Variants in SYBU observed in about 807,000 individuals in gnomAD.
SYBU encodes syntabulin.
SYBU carries 21 observed loss-of-function variants against 35.9 expected under a neutral mutation model. The ratio of observed to expected loss-of-function variants is 0.58; its 90% CI spans 0.41 to 0.84. The LOEUF (loss-of-function observed/expected upper bound fraction) is 0.84. Among genes scored for constraint, SYBU ranks in the 40% least tolerant of loss-of-function variants. SYBU has a pLI of 0.00. For missense variants in SYBU, 768 were observed against 848.2 expected (o/e 0.91, Z 1.17); for synonymous variants, 319 against 324.3 (o/e 0.98, Z 0.18).
chr8:109,611,970 A>T (rs1169708254), intron 3 of SYBU, among the ~76,000 whole-genome samples: 1 of 152,246 alleles, frequency 6.6e-6, no homozygotes, highest in Non-Finnish European at 1.5e-5. Flanking sequence ...ATTTTAAAAA[A>T]TTGTGTTTTA....
intron 3 of SYBU, among the ~76,000 whole-genome samples, chr8:109,614,656 G>A (rs1811538599): frequency 6.6e-6 from 1 of 152,228 alleles, no homozygotes; most frequent in South Asian, 2.1e-4. Flanking sequence ...TTATTGGACA[G>A]CTTTAATACT....
At chr8:109,644,370 A>G (rs970095499) in intron 1 of SYBU, 36 of 609,646 alleles carry the variant, frequency 5.9e-5, no homozygotes, top group South Asian at 5.7e-4. Flanking sequence ...ACTGAAAGCT[A>G]CACCCCACAG....
At chr8:109,650,260 T>A (rs1476140387) in intron 1 of SYBU, among the ~76,000 whole-genome samples, 1 of 152,224 alleles carries the variant, frequency 6.6e-6, no homozygotes, top group East Asian at 1.9e-4. Flanking sequence ...TTGAGTTACA[T>A]TAAAAACAAT....
chr8:109,627,567 A>C (rs575152751), intron 2 of SYBU, among the ~76,000 whole-genome samples: 1 of 152,218 alleles, frequency 6.6e-6, no homozygotes, highest in Non-Finnish European at 1.5e-5. Flanking sequence ...TAAAAATTTC[A>C]TGGGCACAGA....
intron 2 of SYBU, among the ~76,000 whole-genome samples, chr8:109,639,767 C>T (rs532383553): frequency 1.3e-5 from 2 of 152,164 alleles, no homozygotes; most frequent in African/African-American, 4.8e-5. Flanking sequence ...TGGATTAAAA[C>T]GAGCGATTTC....
intron 3 of SYBU, among the ~76,000 whole-genome samples, chr8:109,609,128 C>T (rs1472659391): frequency 6.6e-6 from 1 of 152,180 alleles, no homozygotes; most frequent in African/African-American, 2.4e-5. Context: ...GGTGAAGAAC[C>T]CCTCCTCCTG....
At chr8:109,595,432 C>T (rs944410297) in intron 3 of SYBU, among the ~76,000 whole-genome samples, 5 of 152,156 alleles carry the variant, frequency 3.3e-5, no homozygotes, top group Non-Finnish European at 7.3e-5. Flanking sequence ...CTGTGGCTCA[C>T]GAATAACACA....
At chr8:109,641,987 A>G (rs1454614517) in intron 2 of SYBU, among the ~76,000 whole-genome samples, 1 of 152,254 alleles carries the variant, frequency 6.6e-6, no homozygotes, top group Non-Finnish European at 1.5e-5. Flanking sequence ...TCATTCCACT[A>G]TAAAGACACA....
chr8:109,578,809 G>T (rs1002489941), intron 5 of SYBU, among the ~76,000 whole-genome samples: 1 of 152,216 alleles, frequency 6.6e-6, no homozygotes, highest in Admixed American at 6.5e-5. Flanking sequence ...ACTGCCTAAA[G>T]ATCCTGATGG....
chr8:109,641,879 T>C (rs1814920027), intron 2 of SYBU, among the ~76,000 whole-genome samples: 2 of 152,216 alleles, frequency 1.3e-5, no homozygotes, highest in South Asian at 4.1e-4. Context: ...GTTCAACCAT[T>C]GTGGAAGACA....
At chr8:109,589,922 C>T (rs1365002468) in intron 3 of SYBU, among the ~76,000 whole-genome samples, 2 of 152,046 alleles carry the variant, frequency 1.3e-5, no homozygotes, top group African/African-American at 4.8e-5. Flanking sequence ...TTTAAGTAAC[C>T]CCAAGCCCTC....
At chr8:109,650,145 A>G (rs1816062002) in intron 1 of SYBU, among the ~76,000 whole-genome samples, 1 of 152,188 alleles carries the variant, frequency 6.6e-6, no homozygotes, top group Admixed American at 6.5e-5. Context: ...CACAGAGCAG[A>G]TACACAGGCT....
intron 1 of SYBU, among the ~76,000 whole-genome samples, chr8:109,660,799 T>C (rs1461001350): frequency 1.3e-5 from 2 of 152,212 alleles, no homozygotes; most frequent in Non-Finnish European, 2.9e-5. Context: ...GGTACCTTTT[T>C]TTACTTATGA....
chr8:109,656,495 A>G (rs1033405252), intron 1 of SYBU, among the ~76,000 whole-genome samples: 1 of 152,216 alleles, frequency 6.6e-6, no homozygotes, highest in African/African-American at 2.4e-5. Flanking sequence ...TGTAATGTGT[A>G]TCTGAAAATA....
Position 109,575,651 on chromosome 8 carries a change from A to T in SYBU, c.1247T>A (p.Leu416Gln). 1.2e-6 allele frequency: 2 copies of T among 1,613,996 alleles called. No homozygotes were observed. The change falls in exon 7 of 7, where the codon CTG (leucine) becomes CAG (glutamine). Residue 416 changes from leucine to glutamine, a missense_variant. Physicochemically the swap from Leu to Gln is moderately radical, Grantham distance 113. Coordinates refer to ENST00000276646, the MANE Select transcript of SYBU (RefSeq NM_001099754.2). ...PLDTMADGLS[L>Q]EEQVTGEGAD... ...CCCTTCCCCCGTGACCTGCTCTTCC[A>T]GAGATAACCCATCTGCCATTGTGTC...
upstream of SYBU, chr8:109,645,159 T>G (rs1815512418): frequency 2.2e-6 from 1 of 458,018 alleles, no homozygotes. Flanking sequence ...TGAGAAAAGC[T>G]GCGACATCAC....
intron 2 of SYBU, among the ~76,000 whole-genome samples, chr8:109,636,351 GAC>G (rs2130578433): frequency 6.6e-6 from 1 of 152,300 alleles, no homozygotes; most frequent in South Asian, 2.1e-4. Context: ...AAGGGACTGG[GAC>G]ACAGGTGAGT....
Position 109,575,189 on chromosome 8 carries a change from G to A in SYBU, c.1709C>T (p.Ala570Val), listed in dbSNP as rs1186047859. The A allele has an allele frequency of 5.0e-6, 8 of 1,614,100 alleles. No homozygotes were observed. Among genetic ancestry groups the A allele is most frequent in the South Asian group, 1.1e-5 (1 of 91,090 alleles). ...PYANVDAEVHANRLMRELDFA... is the reference protein window; with the variant it reads ...PYANVDAEVHVNRLMRELDFA... ...ATCCAGCTCTCTCATGAGGCGGTTT[G>A]CATGAACTTCTGCATCCACATTGGC... Residue 570 changes from alanine (A) to valine (V), a missense_variant, in exon 7 of 7, where the codon GCA becomes GTA. Physicochemically the swap from Ala to Val is moderately conservative, Grantham distance 64 (BLOSUM62 0). Transcript: ENST00000276646.
chr8:109,653,070 G>C (rs188833149), intron 1 of SYBU, among the ~76,000 whole-genome samples: 1 of 152,242 alleles, frequency 6.6e-6, no homozygotes, highest in East Asian at 1.9e-4. Flanking sequence ...CAATGACCCA[G>C]AGGAGGATAA....
Sources: allele counts gnomAD v4.1 joint callset (sites outside exome capture counted in the v4.1 genomes callset), GRCh38; gene constraint gnomAD v4.1.1; transcripts MANE v1.5; gene names NCBI Gene and HGNC (gene_info 2026-07-23, HGNC 2026-07-21).